Variants in CPAMD8 observed in about 807,000 individuals in gnomAD.
CPAMD8 encodes the protein C3 and PZP like alpha-2-macroglobulin domain containing 8, also known as C3 and PZP-like alpha-2-macroglobulin domain-containing protein 8.
In CPAMD8, 146 loss-of-function variants were observed where a neutral mutation model predicts 224.7. The ratio of observed to expected loss-of-function variants is 0.65; its 90% confidence interval spans 0.57 to 0.75. The LOEUF (loss-of-function observed/expected upper bound fraction) is 0.75. CPAMD8 is among the 30% of genes least tolerant of loss of function. The pLI is 0.00. For missense variants in CPAMD8, 2,301 were observed against 2,537.5 expected (o/e 0.91, Z 2.00); for synonymous variants, 966 against 1,044.6 (o/e 0.92, Z 1.45).
chr19:16,979,941 G>A (rs972944106), intron 14 of CPAMD8, among the ~76,000 whole-genome samples: 4 of 151,944 alleles, frequency 2.6e-5, no homozygotes, highest in African/African-American at 7.3e-5. Flanking sequence ...TCATCATACT[G>A]TGGAAAGTTG....
intron 20 of CPAMD8, among the ~76,000 whole-genome samples, chr19:16,949,546 C>T (rs979837872): frequency 6.6e-6 from 1 of 152,118 alleles, no homozygotes; most frequent in Non-Finnish European, 1.5e-5. Flanking sequence ...TACTCCTCAC[C>T]GAAGCCACCC....
At chr19:16,970,855 G>A (rs1310243280) in intron 18 of CPAMD8, 36 bp downstream of exon 18, 4 of 1,604,510 alleles carry the variant, frequency 2.5e-6, no homozygotes, top group Non-Finnish European at 3.4e-6. Flanking sequence ...AATAGGACCA[G>A]GGTTAGAAAA....
Position 17,004,831 on chromosome 19 carries a change from C to T in CPAMD8, c.560-445G>A, listed in dbSNP as rs1205930471. ...TGCTGAGCAGCACCCCTGGCCTCCA[C>T]CCAACAGATGCCAGTAGTACCAATG... On this transcript the variant is annotated intron_variant, in intron 7 of 41. Transcript: ENST00000443236. Among the ~76,000 whole-genome samples the T allele has an allele frequency of 2.0e-5, 3 of 152,136 alleles. No homozygotes were observed. In the East Asian group the frequency reaches 5.8e-4, roughly 29 times the overall value.
intron 1 of CPAMD8, among the ~76,000 whole-genome samples, chr19:17,024,880 A>G (rs75557877): frequency 6.6e-6 from 1 of 152,190 alleles, no homozygotes; most frequent in East Asian, 1.9e-4. Flanking sequence ...TTCCTCACAC[A>G]AAAATCTCTC....
intron 8 of CPAMD8, 157 bp from the exon 9 acceptor site, chr19:17,002,507 G>A (rs1178162050): frequency 3.8e-6 from 2 of 528,172 alleles, no homozygotes; most frequent in Non-Finnish European, 6.9e-6. Flanking sequence ...CAGCCCTGGG[G>A]ATTTTGTGGG....
At chr19:16,914,961 G>A (rs2052891097) in intron 27 of CPAMD8, 148 bp from the exon 28 acceptor site, 1 of 635,254 alleles carries the variant, frequency 1.6e-6, no homozygotes, top group Non-Finnish European at 2.8e-6. Flanking sequence ...TCCCCACAGG[G>A]CTGTCAGAGT....
In CPAMD8 at chr19:16,930,455, C is replaced by G. The variant is rs549678674; in HGVS notation, c.2846-1215G>C. ...TGACGAACAAAAATAACAAGTAGAT[C>G]ATCACACTTTGACTAGTTCATCTAA... On this transcript the variant is annotated intron_variant, in intron 23 of 41. Coordinates refer to ENST00000443236, the MANE Select transcript of CPAMD8 (RefSeq NM_015692.5). 2.0e-5 allele frequency among the ~76,000 whole-genome samples: 3 copies of G among 152,206 alleles called. No homozygotes were observed. The East Asian group carries it at 5.8e-4, about 29-fold the overall frequency.
intron 22 of CPAMD8, among the ~76,000 whole-genome samples, chr19:16,939,679 A>G (rs1161688968): frequency 6.6e-6 from 1 of 152,080 alleles, no homozygotes; most frequent in Non-Finnish European, 1.5e-5. Context: ...GCACCATCCA[A>G]GCTGTTAAAC....
intron 22 of CPAMD8, among the ~76,000 whole-genome samples, chr19:16,944,973 G>A (rs2054022422): frequency 6.6e-6 from 1 of 152,192 alleles, no homozygotes; most frequent in African/African-American, 2.4e-5. Context: ...GGTGGCTGCT[G>A]CATGCTCAGC....
Position 16,993,469 on chromosome 19 carries a change from C to G in CPAMD8, c.1213G>C (p.Val405Leu). The G allele has an allele frequency of 6.2e-7, 1 of 1,614,022 alleles. No individual in the cohort carries two copies. Among genetic ancestry groups the G allele is most frequent in the Non-Finnish European group, 8.5e-7 (1 of 1,179,902 alleles). Residue 405 changes from valine to leucine, a missense_variant, in exon 12 of 42, where the codon GTG becomes CTG. This residue lies in a region of CPAMD8 where 301 missense variants were observed against 406.6 expected (regional missense o/e 0.74). Transcript: ENST00000443236. ...TSEVVSQRGL[V>L]GFEIPSIPTS... ...GGGATGGAGGGGATTTCAAACCCCA[C>G]TAGTCCACGCTGGGACACAACTTCA...
rs1264574144 is a variant in CPAMD8, at chr19:16,907,000, C to T, written c.3979G>A (p.Ala1327Thr). The T allele has an allele frequency of 6.2e-7, 1 of 1,601,758 alleles. No homozygotes were observed. The highest frequency in any genetic ancestry group is 2.2e-5 in the East Asian group (1 of 44,474). The change falls in exon 30 of 42, where the codon GCA (alanine) becomes ACA (threonine). Residue 1327 changes from alanine (A) to threonine (T), a missense_variant. Transcript: ENST00000443236. ...AGCTTGCGCAGTGCCTCAGGGGCTGCCGGGCTGCGGAGCAGGGTCAGCGCG... is the reference window on the plus strand; with the variant it reads ...AGCTTGCGCAGTGCCTCAGGGGCTGTCGGGCTGCGGAGCAGGGTCAGCGCG... The part of the protein sequence containing the change: ...TYALTLLRSP[A>T]APEALRKLRS...
intron 3 of CPAMD8, among the ~76,000 whole-genome samples, chr19:17,014,393 C>T (rs545463975): frequency 1.1e-4 from 17 of 152,044 alleles, no homozygotes; most frequent in African/African-American, 2.2e-4. Flanking sequence ...ATGGGCAGAA[C>T]GCCCTGGCAT....
chr19:16,922,012 G>A, intron 26 of CPAMD8, 26 bp from the exon 27 acceptor site: 1 of 1,511,702 alleles, frequency 6.6e-7, no homozygotes, highest in African/African-American at 1.4e-5. Flanking sequence ...AGAGGACCCT[G>A]TCCTGTTGAG....
chr19:16,893,257 C>T lies in CPAMD8; in HGVS notation c.5509G>A (p.Gly1837Ser). 2 of 1,571,398 alleles carry T rather than the reference C, an allele frequency of 1.3e-6. No individual in the cohort carries two copies. Among genetic ancestry groups the T allele is most frequent in the Non-Finnish European group, 8.6e-7 (1 of 1,157,470 alleles). The change falls in exon 42 of 42, where the codon GGC becomes AGC. Residue 1837 changes from glycine (G) to serine (S), a missense_variant. Coordinates refer to ENST00000443236, the MANE Select transcript of CPAMD8 (RefSeq NM_015692.5). Reference protein sequence around the residue: ...TQSASPFHRWGQTPAPQRHSG... With the variant: ...TQSASPFHRWSQTPAPQRHSG... ...TGTCTCTGAGGGGCCGGAGTCTGGC[C>T]CCATCTGTGGAACGGGCTGGCGCTC...
rs530367711 is a variant in CPAMD8, at chr19:16,921,917, G to C, written c.3617C>G (p.Ser1206Trp). ...GGTGGGGACTCACCACATGCTCCCC[G>C]ATGCGTCCCGCTCCCCAAACGCGCT... is the stretch of plus-strand genomic sequence containing the variant. ...SYSAFGERDASGSMWLTAFVL... is the reference protein window; with the variant it reads ...SYSAFGERDAWGSMWLTAFVL... The change falls in exon 27 of 42, where the codon TCG (serine) becomes TGG (tryptophan). Residue 1206 changes from serine to tryptophan, a missense_variant. By Grantham distance (177) the Ser-to-Trp change is radical. Around this residue, in one of 4 missense-constraint regions of CPAMD8, gnomAD observed 1,709 missense variants for 1,753.2 expected, o/e 0.97. Coordinates refer to ENST00000443236, the MANE Select transcript of CPAMD8 (RefSeq NM_015692.5). 2 of 1,544,632 alleles carry C rather than the reference G, an allele frequency of 1.3e-6. No individual in the cohort carries two copies. Among genetic ancestry groups the C allele is most frequent in the South Asian group, 1.2e-5 (1 of 84,044 alleles).
chr19:16,919,656 A>G (rs1211716882), intron 27 of CPAMD8, among the ~76,000 whole-genome samples: 1 of 152,244 alleles, frequency 6.6e-6, no homozygotes, highest in Non-Finnish European at 1.5e-5. Context: ...GTGGATAACT[A>G]TTGCATCTCT....
At chr19:16,937,220 C>T (rs1216131476) in intron 23 of CPAMD8, among the ~76,000 whole-genome samples, 1 of 151,872 alleles carries the variant, frequency 6.6e-6, no homozygotes, top group Non-Finnish European at 1.5e-5. Context: ...CTACAACCTC[C>T]ACCTCCTGGG....
intron 40 of CPAMD8, 42 bp downstream of exon 40, chr19:16,896,414 G>A: frequency 6.7e-7 from 1 of 1,487,264 alleles, no homozygotes; most frequent in Non-Finnish European, 8.9e-7. Context: ...CAGAGCAGCA[G>A]CGATGGTGTC....
chr19:17,006,208 C>T (rs1220993264), intron 7 of CPAMD8, among the ~76,000 whole-genome samples: 1 of 152,082 alleles, frequency 6.6e-6, no homozygotes, highest in Non-Finnish European at 1.5e-5. Context: ...GTGATCTGCC[C>T]GCCTCAGCCT....
Sources: gnomAD v4.1 joint callset for allele counts (sites outside exome capture counted in the v4.1 genomes callset) on GRCh38, gnomAD v4.1.1 for gene constraint, gnomAD v4.1.1 regional missense constraint, MANE v1.5 for transcripts, NCBI Gene and HGNC (gene_info 2026-07-23, HGNC 2026-07-21) for gene names.